The following SLC35F4 variants were observed in gnomAD, a reference collection of about 807,000 sequenced individuals.
SLC35F4 encodes solute carrier family 35 member F4.
A neutral mutation model predicts 44.2 loss-of-function variants in SLC35F4; 24 were observed. That is an observed-to-expected ratio of 0.54 (90% CI 0.39 to 0.76). The LOEUF is 0.76. SLC35F4 is among the 30% of genes least tolerant of loss of function. The pLI is 0.00. For missense variants in SLC35F4, 562 were observed against 586.1 expected, an observed-to-expected ratio of 0.96 and a Z score of 0.42; for synonymous variants, 238 against 223.6, an observed-to-expected ratio of 1.06 and a Z score of -0.57.
intron 1 of SLC35F4, among the ~76,000 whole-genome samples, chr14:57,816,961 C>G (rs531870760): frequency 6.6e-6 from 1 of 152,144 alleles, no homozygotes; most frequent in Non-Finnish European, 1.5e-5. Flanking sequence ...TAACTACCTC[C>G]TAAGTGCAAG....
intron 1 of SLC35F4, among the ~76,000 whole-genome samples, chr14:57,875,504 G>A (rs1308654850): frequency 6.6e-6 from 1 of 152,200 alleles, no homozygotes; most frequent in African/African-American, 2.4e-5. Flanking sequence ...GGTTGATCCT[G>A]GATGGGCTTG....
At chr14:57,804,112 A>G (rs111594400) in intron 1 of SLC35F4, among the ~76,000 whole-genome samples, 7,067 of 152,270 alleles carry the variant, frequency 0.046, 435 homozygotes, top group African/African-American at 0.14. Flanking sequence ...GCTCAAAGAA[A>G]TCAGAGAGGA....
At chr14:57,657,260 TC>T (rs1256007079) in intron 1 of SLC35F4, among the ~76,000 whole-genome samples, 1 of 152,222 alleles carries the variant, frequency 6.6e-6, no homozygotes, top group Non-Finnish European at 1.5e-5. Context: ...CTATGGTTTT[TC>T]AGTCCTTTTT....
At chr14:57,945,461 G>A (rs1890009281) in intron 1 of SLC35F4, among the ~76,000 whole-genome samples, 1 of 114,796 alleles carries the variant, frequency 8.7e-6, no homozygotes, top group African/African-American at 5.0e-5. Flanking sequence ...GTGTGTGTGT[G>A]TGTGTGTGTG....
At chr14:57,971,519 A>G (rs746722185) in intron 1 of SLC35F4, among the ~76,000 whole-genome samples, 56 of 152,254 alleles carry the variant, frequency 3.7e-4, no homozygotes, top group Non-Finnish European at 5.1e-4. Flanking sequence ...GTCACTATGC[A>G]TGAGAACTTA....
intron 1 of SLC35F4, among the ~76,000 whole-genome samples, chr14:57,900,611 A>G (rs1311625812): frequency 6.6e-6 from 1 of 152,124 alleles, no homozygotes; most frequent in Non-Finnish European, 1.5e-5. Flanking sequence ...AATGCCTAAC[A>G]AGGCACAGGC....
rs187765882 is a variant in SLC35F4, at chr14:57,791,776, A to G, written c.103+73947T>C. ...GGGCACATATACACCGTAGAATACT[A>G]TGCAGCTATAAAAAAAGATGAGTTC... On this transcript the variant is annotated intron_variant, in intron 1 of 7. Coordinates refer to ENST00000556826, the MANE Select transcript of SLC35F4 (RefSeq NM_001306087.2). Among the ~76,000 whole-genome samples, 4 of 152,360 alleles carry G rather than the reference A, an allele frequency of 2.6e-5. No individual in the cohort carries two copies. In the East Asian group the frequency reaches 7.7e-4, roughly 29 times the overall value.
chr14:57,969,859 A>G (rs1423442960), intron 1 of SLC35F4, among the ~76,000 whole-genome samples: 1 of 152,220 alleles, frequency 6.6e-6, no homozygotes, highest in Non-Finnish European at 1.5e-5. Flanking sequence ...ACGGATGTTC[A>G]TGGTTCTTGA....
At chr14:57,776,665 C>CAAAAAAA (rs57272978) in intron 1 of SLC35F4, among the ~76,000 whole-genome samples, 6 of 72,052 alleles carry the variant, frequency 8.3e-5, no homozygotes, top group Admixed American at 3.8e-4. Context: ...GACTCCATCT[C>CAAAAAAA]AAAAAAAAAA....
chr14:57,794,213 C>G (rs1350931392), intron 1 of SLC35F4, among the ~76,000 whole-genome samples: 1 of 151,914 alleles, frequency 6.6e-6, no homozygotes, highest in Non-Finnish European at 1.5e-5. Flanking sequence ...CCAAACTAAG[C>G]TAAAAACTTC....
At chr14:57,900,121 C>A (rs1470156967) in intron 1 of SLC35F4, among the ~76,000 whole-genome samples, 1 of 152,108 alleles carries the variant, frequency 6.6e-6, no homozygotes, top group Non-Finnish European at 1.5e-5. Flanking sequence ...TTACAGAGCA[C>A]TGATTGGTGC....
intron 1 of SLC35F4, among the ~76,000 whole-genome samples, chr14:57,768,391 G>C (rs1323299197): frequency 6.6e-6 from 1 of 152,206 alleles, no homozygotes; most frequent in African/African-American, 2.4e-5. Context: ...GGTAAGAAAA[G>C]AGATGTCTTT....
intron 1 of SLC35F4, among the ~76,000 whole-genome samples, chr14:57,690,036 C>T (rs1247918106): frequency 1.3e-5 from 2 of 152,176 alleles, no homozygotes; most frequent in Non-Finnish European, 2.9e-5. Context: ...CACACTCTCT[C>T]TTTCTAGAAT....
At chr14:57,834,819 A>T (rs996269003) in intron 1 of SLC35F4, among the ~76,000 whole-genome samples, 2 of 152,224 alleles carry the variant, frequency 1.3e-5, no homozygotes, top group African/African-American at 4.8e-5. Flanking sequence ...CAGGAGTTCG[A>T]GACCAGCATG....
chr14:57,780,183 C>T (rs368734686), intron 1 of SLC35F4, among the ~76,000 whole-genome samples: 3 of 152,100 alleles, frequency 2.0e-5, no homozygotes, highest in Non-Finnish European at 4.4e-5. Flanking sequence ...ATCTAGAAAA[C>T]CCCATAGTCT....
At chr14:57,860,301 A>G (rs970357411) in intron 1 of SLC35F4, among the ~76,000 whole-genome samples, 1 of 152,206 alleles carries the variant, frequency 6.6e-6, no homozygotes, top group African/African-American at 2.4e-5. Flanking sequence ...TGGAGTATAG[A>G]AAAAACAAAA....
chr14:57,842,965 C>T (rs1252617372), intron 1 of SLC35F4, among the ~76,000 whole-genome samples: 2 of 152,196 alleles, frequency 1.3e-5, no homozygotes, highest in Admixed American at 1.3e-4. Context: ...CAGCCTTCAT[C>T]TTCCACTCAT....
intron 1 of SLC35F4, among the ~76,000 whole-genome samples, chr14:57,605,494 T>C (rs2071106068): frequency 6.6e-6 from 1 of 152,172 alleles, no homozygotes. Flanking sequence ...GAAATACTTA[T>C]ATACTGTTGG....
chr14:57,641,358 C>A (rs1284707018), intron 1 of SLC35F4, among the ~76,000 whole-genome samples: 2 of 151,898 alleles, frequency 1.3e-5, no homozygotes, highest in Non-Finnish European at 2.9e-5. Flanking sequence ...AATAAGATTG[C>A]CAGGTGAACC....
Sources: allele counts gnomAD v4.1 joint callset (sites outside exome capture counted in the v4.1 genomes callset), GRCh38; gene constraint gnomAD v4.1.1; transcripts MANE v1.5; gene names NCBI Gene and HGNC (gene_info 2026-07-23, HGNC 2026-07-21).